NFATC2: variants seen among roughly 807,000 people sequenced by gnomAD.
NFATC2 encodes nuclear factor of activated T-cells, cytoplasmic 2.
A neutral mutation model predicts 87.3 loss-of-function variants in NFATC2; 22 were observed. The observed-to-expected ratio is 0.25, with a 90% CI of 0.18 to 0.36. NFATC2 has a LOEUF of 0.36. Ranked by LOEUF, NFATC2 falls within the 10% of genes least tolerant of loss-of-function variation. The pLI, the probability that NFATC2 is intolerant of heterozygous loss-of-function variation, is 1.00. For missense variants in NFATC2, 1,149 were observed against 1,259.1 expected, an observed-to-expected ratio of 0.91 and a Z score of 1.32; for synonymous variants, 565 against 542.2, an observed-to-expected ratio of 1.04 and a Z score of -0.58.
chr20:51,470,685 A>G (rs565966852), intron 5 of NFATC2, among the ~76,000 whole-genome samples: 4 of 152,320 alleles, frequency 2.6e-5, no homozygotes, highest in Admixed American at 2.6e-4. Flanking sequence ...TACTGTCATT[A>G]GTAACAATGT....
intron 5 of NFATC2, among the ~76,000 whole-genome samples, chr20:51,466,611 A>C (rs752577215): frequency 1.3e-5 from 2 of 152,200 alleles, no homozygotes; most frequent in Admixed American, 6.5e-5. Context: ...CAGAGCCCCA[A>C]ACATGAAACC....
At chr20:51,490,287 G>C (rs1301616447) in intron 3 of NFATC2, among the ~76,000 whole-genome samples, 2 of 152,176 alleles carry the variant, frequency 1.3e-5, no homozygotes, top group East Asian at 3.8e-4. Context: ...CTGAGGCTCA[G>C]AGAAATTAGT....
At chr20:51,474,205 A>G in intron 4 of NFATC2, 53 bp from the exon 5 acceptor site, 1 of 1,593,978 alleles carries the variant, frequency 6.3e-7, no homozygotes. Flanking sequence ...GGAGCAGGAA[A>G]GATCACCCCC....
intron 1 of NFATC2, among the ~76,000 whole-genome samples, chr20:51,533,008 C>T (rs1044172902): frequency 2.0e-5 from 3 of 152,192 alleles, no homozygotes; most frequent in African/African-American, 2.4e-5. Context: ...GAGCTCACCC[C>T]GATGCCGAGG....
At chr20:51,455,285 G>A (rs949831465) in intron 5 of NFATC2, among the ~76,000 whole-genome samples, 2 of 152,234 alleles carry the variant, frequency 1.3e-5, no homozygotes, top group Admixed American at 6.5e-5. Flanking sequence ...CACACTTCTA[G>A]AACATTCTGT....
At chr20:51,503,074 C>T (rs538929569) in intron 3 of NFATC2, among the ~76,000 whole-genome samples, 54 of 152,284 alleles carry the variant, frequency 3.5e-4, no homozygotes, top group African/African-American at 1.0e-3. Flanking sequence ...ACAAAGACCA[C>T]GAATACAACC....
At chr20:51,439,354 G>C (rs1329093341) in intron 6 of NFATC2, among the ~76,000 whole-genome samples, 1 of 152,230 alleles carries the variant, frequency 6.6e-6, no homozygotes, top group African/African-American at 2.4e-5. Flanking sequence ...CAAGAGCACA[G>C]GCCAAGGTCA....
chr20:51,532,903 G>C (rs190636997), intron 1 of NFATC2, among the ~76,000 whole-genome samples: 133 of 152,348 alleles, frequency 8.7e-4, no homozygotes, highest in African/African-American at 3.2e-3. Flanking sequence ...GAGAGAAGCA[G>C]GGCCTGGCCT....
intron 3 of NFATC2, among the ~76,000 whole-genome samples, chr20:51,499,206 G>A (rs1304633737): frequency 6.6e-6 from 1 of 152,218 alleles, no homozygotes; most frequent in African/African-American, 2.4e-5. Flanking sequence ...TGGCAGCTGT[G>A]TGGGGAGCAG....
intron 3 of NFATC2, among the ~76,000 whole-genome samples, chr20:51,497,496 G>A (rs116701096): frequency 0.025 from 3,787 of 152,068 alleles, 138 homozygotes; most frequent in African/African-American, 0.085. Flanking sequence ...ATATTACTTG[G>A]CTGAAACCCC....
chr20:51,417,348 G>T (rs868511718), intron 9 of NFATC2, among the ~76,000 whole-genome samples: 2 of 151,866 alleles, frequency 1.3e-5, no homozygotes, highest in Non-Finnish European at 2.9e-5. Flanking sequence ...CTCTCAACCC[G>T]CGAGGCCTGT....
Position 51,491,010 on chromosome 20 carries a change from T to G in NFATC2, c.1333-15350A>C, listed in dbSNP as rs1387674268. Among the ~76,000 whole-genome samples, 6 of 152,100 alleles carry G rather than the reference T, an allele frequency of 3.9e-5. No homozygotes were observed. In the East Asian group the frequency reaches 1.2e-3, roughly 29 times the overall value. ...TGATTAAGAAAACCACCCAGGTCAG[T>G]GCCCAGACACAAGAGGTGCTCAGCA... On this transcript the variant is annotated intron_variant, in intron 3 of 10. Coordinates refer to ENST00000371564, the MANE Select transcript of NFATC2 (RefSeq NM_012340.5).
intron 2 of NFATC2, 139 bp from the exon 3 acceptor site, chr20:51,517,094 G>A: frequency 1.1e-6 from 1 of 886,682 alleles, no homozygotes; most frequent in Non-Finnish European, 1.7e-6. Context: ...TCCGGGAAAT[G>A]CACCATTATG....
chr20:51,402,942 C>T (rs937734044), intron 9 of NFATC2, among the ~76,000 whole-genome samples: 15 of 152,194 alleles, frequency 9.9e-5, no homozygotes, highest in African/African-American at 3.6e-4. Context: ...AATTTCCAGT[C>T]CAGTCTCCAT....
chr20:51,539,075 G>A (rs892279140), intron 1 of NFATC2, among the ~76,000 whole-genome samples: 1 of 152,132 alleles, frequency 6.6e-6, no homozygotes, highest in Non-Finnish European at 1.5e-5. Flanking sequence ...AAACAGGGGT[G>A]ATAATAGTGC....
Position 51,387,017 on chromosome 20 carries a change from C to G in NFATC2, c.*4479G>C, listed in dbSNP as rs971222705. 1 of 152,178 alleles carries G rather than the reference C, an allele frequency of 6.6e-6. No homozygotes were observed. The highest frequency in any genetic ancestry group is 1.5e-5 in the Non-Finnish European group (1 of 68,030). 9.4% of individuals were successfully genotyped at this position (152,178 alleles called of 1,614,324 possible). On this transcript the variant is annotated 3_prime_UTR_variant, in exon 11 of 11. Transcript: ENST00000371564. ...TCATGATACAAGCCGTATAAAAATA[C>G]TTTACATATAGGAAAAATAAACTAC...
At chr20:51,543,805 ACT>A (rs1200802476), upstream of NFATC2, among the ~76,000 whole-genome samples, 3 of 151,828 alleles carry the variant, frequency 2.0e-5, no homozygotes, top group Non-Finnish European at 4.4e-5. Context: ...CTCCAATAAA[ACT>A]CTGCCAGGGG....
chr20:51,487,931 T>TA (rs1989853193), intron 3 of NFATC2, among the ~76,000 whole-genome samples: 1 of 152,148 alleles, frequency 6.6e-6, no homozygotes, highest in Admixed American at 6.5e-5. Flanking sequence ...GCATAACTCT[T>TA]AGACTCAGCA....
intron 2 of NFATC2, among the ~76,000 whole-genome samples, chr20:51,520,432 T>G (rs1201686361): frequency 7.9e-6 from 1 of 127,000 alleles, no homozygotes; most frequent in Non-Finnish European, 1.8e-5. Context: ...TTGATCAGGA[T>G]TTTCTTTTTT....
Sources: gnomAD v4.1 joint callset for allele counts (sites outside exome capture counted in the v4.1 genomes callset) on GRCh38, gnomAD v4.1.1 for gene constraint, MANE v1.5 for transcripts, NCBI Gene and HGNC (gene_info 2026-07-23, HGNC 2026-07-21) for gene names.